Variants in CADM4 observed in about 807,000 individuals in gnomAD.
CADM4 encodes TSLC1-like 2.
In CADM4, 13 loss-of-function variants were observed where a neutral mutation model predicts 43.9. The observed-to-expected ratio is 0.30, with a 90% CI of 0.19 to 0.47. The LOEUF (loss-of-function observed/expected upper bound fraction) is 0.47, where lower values mean the gene tolerates loss of function less well. Ranked by LOEUF, CADM4 falls within the 20% of genes least tolerant of loss-of-function variation. The pLI, the probability that CADM4 is intolerant of heterozygous loss-of-function variation, is 1.00. For synonymous variants in CADM4, 209 were observed against 220.9 expected (o/e 0.95, Z 0.48); for missense variants, 420 against 527.0 (o/e 0.80, Z 1.99).
At chr19:43,629,419 G>C (rs1033463601) in intron 1 of CADM4, among the ~76,000 whole-genome samples, 1 of 152,164 alleles carries the variant, frequency 6.6e-6, no homozygotes, top group African/African-American at 2.4e-5. Context: ...AGAACCATCA[G>C]AGAAAAGCAT....
chr19:43,636,855 G>A (rs977662166), intron 1 of CADM4, among the ~76,000 whole-genome samples: 3 of 152,034 alleles, frequency 2.0e-5, no homozygotes, highest in Non-Finnish European at 4.4e-5. Context: ...ATGGAGGGAG[G>A]GTCCCCCTAT....
Position 43,639,818 on chromosome 19 carries a change from C to G in CADM4, c.-28G>C, listed in dbSNP as rs1286484742. On this transcript the variant is annotated 5_prime_UTR_variant, in exon 1 of 9. Coordinates refer to ENST00000222374, the MANE Select transcript of CADM4 (RefSeq NM_145296.2). Reference sequence around the variant, plus strand: ...TGCCGCCGCCGCCGCCGCCGCCGCTCGCTCCCGGCCCGGCACCTGCACCGC... The same window carrying G: ...TGCCGCCGCCGCCGCCGCCGCCGCTGGCTCCCGGCCCGGCACCTGCACCGC... The G allele has an allele frequency of 4.0e-6, 4 of 992,090 alleles. No individual in the cohort carries two copies. Among genetic ancestry groups the G allele is most frequent in the East Asian group, 1.1e-4 (1 of 9,002 alleles). 61.5% of individuals were successfully genotyped at this position (992,090 alleles called of 1,614,324 possible).
intron 1 of CADM4, 40 bp downstream of exon 1, chr19:43,639,687 C>T: frequency 1.0e-6 from 1 of 978,082 alleles, no homozygotes; most frequent in South Asian, 4.5e-5. Flanking sequence ...GCGCGCCCCC[C>T]GCCCCAGCCC....
At position 43,626,662 on chromosome 19, in the gene CADM4, A is replaced by G; in HGVS notation, c.499+122T>C. 1 of 1,328,190 alleles carries G rather than the reference A, an allele frequency of 7.5e-7. No homozygotes were observed. The highest frequency in any genetic ancestry group is 1.0e-6 in the Non-Finnish European group (1 of 988,844). 82.3% of individuals were successfully genotyped at this position (1,328,190 alleles called of 1,614,324 possible). A position where few individuals can be genotyped will look rare whatever the true frequency, so the allele number is the denominator to read the frequency against. The stretch of plus-strand genomic sequence containing the variant: ...ACAGGCGTGAGCCACCGCGCTCGAC[A>G]TCAACCACTACATATTGAATGTCCA... On this transcript the variant is annotated intron_variant, in intron 4 of 8. Transcript: ENST00000222374. This position sits in a 1 kb window ranked among gnomAD's most constrained non-coding sequence, Gnocchi z 5.9.
chr19:43,628,625 G>A (rs752054308), intron 1 of CADM4, among the ~76,000 whole-genome samples: 3 of 152,146 alleles, frequency 2.0e-5, no homozygotes, highest in Non-Finnish European at 4.4e-5. Flanking sequence ...CCATTGAGAA[G>A]GCACTTTGTC....
rs1973555390 is a variant in CADM4, at chr19:43,627,860, C to G, written c.65-70G>C. On this transcript the variant is annotated intron_variant, in intron 1 of 8. Transcript: ENST00000222374. This position sits in a 1 kb window ranked among gnomAD's most constrained non-coding sequence, Gnocchi z 4.0. ...CTGCAATTCAATTTTTTCTTTCTCC[C>G]TCTTCCCCATCCAAACCTCCAATCC... 1 of 1,488,980 alleles carries G rather than the reference C, an allele frequency of 6.7e-7. No homozygotes were observed. The highest frequency in any genetic ancestry group is 1.8e-5 in the Admixed American group (1 of 56,376). 92.2% of individuals were successfully genotyped at this position (1,488,980 alleles called of 1,614,324 possible).
At chr19:43,637,458 C>A (rs1973718749) in intron 1 of CADM4, among the ~76,000 whole-genome samples, 2 of 152,110 alleles carry the variant, frequency 1.3e-5, no homozygotes. Context: ...AGGACTGATG[C>A]AAAATTATAC....
chr19:43,628,727 C>T (rs1296626503), intron 1 of CADM4, among the ~76,000 whole-genome samples: 1 of 152,328 alleles, frequency 6.6e-6, no homozygotes, highest in East Asian at 1.9e-4. Context: ...GGCCTTGTAG[C>T]TTCCACTCCT....
rs1233346610 is a variant in CADM4, at chr19:43,625,552, AG to A, written c.756-303del. Among the ~76,000 whole-genome samples the A allele has an allele frequency of 4.0e-5, 6 of 151,854 alleles. No homozygotes were observed. Among genetic ancestry groups the A allele is most frequent in the African/African-American group, 1.5e-4 (6 of 41,350 alleles). The stretch of plus-strand genomic sequence containing the variant: ...AGTTCCAGACCAGCCTGGGCAACAC[AG>A]GGAGACCCCGTCACTACAATTAAAA... On this transcript the variant is annotated intron_variant, in intron 6 of 8. Coordinates refer to ENST00000222374, the MANE Select transcript of CADM4 (RefSeq NM_145296.2). This position sits in a 1 kb window ranked among gnomAD's most constrained non-coding sequence, Gnocchi z 4.5.
At chr19:43,635,898 GC>G (rs1351633768) in intron 1 of CADM4, among the ~76,000 whole-genome samples, 5 of 122,550 alleles carry the variant, frequency 4.1e-5, no homozygotes, top group Non-Finnish European at 6.7e-5. Flanking sequence ...TAAGACCCCA[GC>G]CCCCTCCTCC....
At chr19:43,635,141 G>T (rs1019720487) in intron 1 of CADM4, among the ~76,000 whole-genome samples, 1 of 151,330 alleles carries the variant, frequency 6.6e-6, no homozygotes, top group African/African-American at 2.4e-5. Flanking sequence ...TAAGCAGGGT[G>T]GGGGGAGCGC....
chr19:43,628,183 T>C (rs1973560409), intron 1 of CADM4, among the ~76,000 whole-genome samples: 1 of 150,834 alleles, frequency 6.6e-6, no homozygotes, highest in Non-Finnish European at 1.5e-5. Context: ...CCCAGCACTT[T>C]GAGAGGCCGA....
At chr19:43,630,332 C>CTAGA (rs1973602935) in intron 1 of CADM4, among the ~76,000 whole-genome samples, 1 of 128,834 alleles carries the variant, frequency 7.8e-6, no homozygotes, top group Admixed American at 9.5e-5. Context: ...GTCGCCCAGG[C>CTAGA]TAGAGTGCAG....
At chr19:43,624,057 C>T in intron 8 of CADM4, 57 bp downstream of exon 8, 3 of 1,600,300 alleles carry the variant, frequency 1.9e-6, no homozygotes, top group Non-Finnish European at 2.6e-6. Context: ...CTAGGCCCCG[C>T]CTCTTTCCGA....
chr19:43,626,960 G>A lies in CADM4; in HGVS notation c.365-42C>T, dbSNP rs372089676. ...GGAAGTAAGGGGTTAAAGAAGGCAC[G>A]AACGTGGGCTCAAAGCGATCGAGCT... On this transcript the variant is annotated intron_variant, in intron 3 of 8. Transcript: ENST00000222374. This position sits in a 1 kb window ranked among gnomAD's most constrained non-coding sequence, Gnocchi z 5.9. 6 of 1,536,630 alleles carry A rather than the reference G, an allele frequency of 3.9e-6. No individual in the cohort carries two copies. Among genetic ancestry groups the A allele is most frequent in the Non-Finnish European group, 3.5e-6 (4 of 1,140,338 alleles).
In CADM4 at chr19:43,626,352, G is replaced by A. The variant is rs1370973278; in HGVS notation, c.500-64C>T. 151 of 1,574,072 alleles carry A rather than the reference G, an allele frequency of 9.6e-5. No individual in the cohort carries two copies. The highest frequency in any genetic ancestry group is 1.2e-4 in the Non-Finnish European group (144 of 1,159,890). Reference sequence around the variant, plus strand: ...CGGCTCCATCCACCCACCCACCCGAGCCAACGCCAAAGCAGGCTATTTGCC... The same window carrying A: ...CGGCTCCATCCACCCACCCACCCGAACCAACGCCAAAGCAGGCTATTTGCC... On this transcript the variant is annotated intron_variant, in intron 4 of 8. Coordinates refer to ENST00000222374, the MANE Select transcript of CADM4 (RefSeq NM_145296.2). The surrounding 1 kb of genome is among the most constrained non-coding windows in gnomAD (Gnocchi z 5.9).
chr19:43,637,651 T>C (rs1973720792), intron 1 of CADM4, among the ~76,000 whole-genome samples: 2 of 152,200 alleles, frequency 1.3e-5, no homozygotes, highest in Non-Finnish European at 2.9e-5. Context: ...GACAGGGCTG[T>C]AGACCTAACT....
At chr19:43,630,269 C>T (rs1368162045) in intron 1 of CADM4, among the ~76,000 whole-genome samples, 1 of 138,214 alleles carries the variant, frequency 7.2e-6, no homozygotes, top group Non-Finnish European at 1.5e-5. Flanking sequence ...CCCCCATTTC[C>T]ATTTTTCTTT....
At chr19:43,637,690 A>G (rs1449678837) in intron 1 of CADM4, among the ~76,000 whole-genome samples, 2 of 152,224 alleles carry the variant, frequency 1.3e-5, no homozygotes. Flanking sequence ...AGGCTTTTGC[A>G]CGGGGCGGGT....
Sources: allele counts gnomAD v4.1 joint callset (sites outside exome capture counted in the v4.1 genomes callset), GRCh38; gene constraint gnomAD v4.1.1; non-coding constraint Gnocchi (gnomAD v3.1); transcripts MANE v1.5; gene names NCBI Gene and HGNC (gene_info 2026-07-23, HGNC 2026-07-21).